Variants in RNASET2 observed in about 807,000 individuals in gnomAD.
RNASET2 encodes ribonuclease T2.
In RNASET2, 28 loss-of-function variants were observed where a neutral mutation model predicts 33.9. The observed-to-expected ratio is 0.83, with a 90% CI of 0.61 to 1.13. The LOEUF (loss-of-function observed/expected upper bound fraction) is 1.13, where lower values mean the gene tolerates loss of function less well. Among genes scored for constraint, RNASET2 ranks in the 50% most tolerant of loss-of-function variants. RNASET2 has a pLI of 0.00. For missense variants in RNASET2, 330 were observed against 319.9 expected, an observed-to-expected ratio of 1.03 and a Z score of -0.24; for synonymous variants, 123 against 121.0, an observed-to-expected ratio of 1.02 and a Z score of -0.11.
In RNASET2 at chr6:166,955,235, G is replaced by GCACA. The variant is rs1297682505; in HGVS notation, c.86+861_86+862insTGTG. ...CACGCACACACGCGCACACACGCAC[G>GCACA]CACGCACACACACGCACACACGCAC... is the stretch of plus-strand genomic sequence containing the variant. On this transcript the variant is annotated intron_variant, in intron 1 of 8. Transcript: ENST00000508775. Among the ~76,000 whole-genome samples the GCACA allele has an allele frequency of 2.0e-3, 188 of 95,410 alleles. 4 individuals carry two copies. The highest frequency in any genetic ancestry group is 8.7e-3 in the African/African-American group (176 of 20,124). 62.6% of individuals were successfully genotyped at this position (95,410 alleles called of 152,430 possible).
chr6:166,945,039 C>T, intron 4 of RNASET2: 1 of 142,646 alleles, frequency 7.0e-6, no homozygotes, highest in African/African-American at 2.8e-5. Context: ...CCTCACCCAC[C>T]CACGTCCACA....
chr6:166,955,308 GAC>G lies in RNASET2; in HGVS notation c.86+787_86+788del, dbSNP rs1186360338. 6.8e-4 allele frequency among the ~76,000 whole-genome samples: 25 copies of G among 36,986 alleles called. 1 individual carries two copies. The highest frequency in any genetic ancestry group is 3.2e-3 in the East Asian group (4 of 1,234). 24.3% of individuals were successfully genotyped at this position (36,986 alleles called of 152,430 possible). ...CACACACGCACAGACGCGCACACAC[GAC>G]ACACACGCACACACACGCACGCACG... On this transcript the variant is annotated intron_variant, in intron 1 of 8. Transcript: ENST00000508775.
intron 6 of RNASET2, chr6:166,934,758 GGCTGTATCA>G (rs1490113709): frequency 3.3e-5 from 5 of 153,070 alleles, no homozygotes; most frequent in African/African-American, 1.2e-4. Context: ...GTGTGTCGTG[GGCTGTATCA>G]GCTAAGTAAG....
intron 7 of RNASET2, chr6:166,931,406 G>A (rs1247007083): frequency 8.3e-6 from 4 of 481,212 alleles, no homozygotes; most frequent in Non-Finnish European, 1.1e-5. Flanking sequence ...GTCTTTCTGG[G>A]CCCCGAGCTG....
chr6:166,927,202 CAG>C lies in RNASET2; in HGVS notation c.*2384_*2385del, dbSNP rs1357238273. 6.6e-6 allele frequency among the ~76,000 whole-genome samples: 1 copy of C among 152,178 alleles called. No individual in the cohort carries two copies. The highest frequency in any genetic ancestry group is 2.4e-5 in the African/African-American group (1 of 41,434). ...GATCTCCATCACTGAACCTTAAACG[CAG>C]AGTCTTCCCCTTCTGTCTCCTGCGG... On this transcript the variant is annotated 3_prime_UTR_variant, in exon 9 of 9. Transcript: ENST00000508775.
In RNASET2 at chr6:166,952,557, A is replaced by T; in HGVS notation, c.87-9T>A. The T allele has an allele frequency of 1.2e-6, 2 of 1,607,538 alleles. No homozygotes were observed. Among genetic ancestry groups the T allele is most frequent in the Non-Finnish European group, 1.7e-6 (2 of 1,173,898 alleles). On this transcript the variant is annotated splice_polypyrimidine_tract_variant and intron_variant, in intron 1 of 8. Coordinates refer to ENST00000508775, the MANE Select transcript of RNASET2 (RefSeq NM_003730.6). ...TCCACTCATGGTTGTCACTGTTAAA[A>T]CATAAGAAACTTATTTTTCAAGAAC... is the stretch of plus-strand genomic sequence containing the variant.
chr6:166,944,852 TC>T, intron 4 of RNASET2, among the ~76,000 whole-genome samples: 1 of 151,868 alleles, frequency 6.6e-6, no homozygotes, highest in East Asian at 1.9e-4. Context: ...ACCAGCACTG[TC>T]CCCTCTGCCC....
chr6:166,940,840 C>T (rs1275352525), intron 5 of RNASET2, among the ~76,000 whole-genome samples: 2 of 152,074 alleles, frequency 1.3e-5, no homozygotes, highest in Non-Finnish European at 2.9e-5. Context: ...CCACCAAGAG[C>T]AGATGCAGCC....
chr6:166,946,498 G>T lies in RNASET2; in HGVS notation c.261+184C>A, dbSNP rs576569534. ...GCAGGGGAGGGGAGGAGAGGGAAAA[G>T]GTCAATTGGTGTAATTTGTGGGGTC... On this transcript the variant is annotated intron_variant, in intron 4 of 8. Coordinates refer to ENST00000508775, the MANE Select transcript of RNASET2 (RefSeq NM_003730.6). The T allele has an allele frequency of 8.1e-5, 50 of 618,470 alleles. 2 individuals are homozygous for T. The South Asian group carries it at 9.3e-4, about 11-fold the overall frequency. The allele number at this position is 618,470 out of a possible 1,614,324, so 38.3% of individuals were successfully genotyped here.
At chr6:166,943,333 T>C (rs1359419307) in intron 4 of RNASET2, 2 of 410,666 alleles carry the variant, frequency 4.9e-6, no homozygotes, top group Non-Finnish European at 9.2e-6. Context: ...AGGGATAAAG[T>C]GTACATCCAA....
At chr6:166,952,191 C>T (rs1030339926) in intron 2 of RNASET2, among the ~76,000 whole-genome samples, 10 of 152,224 alleles carry the variant, frequency 6.6e-5, no homozygotes, top group African/African-American at 2.4e-4. Context: ...CTCTCAGAGC[C>T]TTCCAGGAGG....
chr6:166,950,912 T>C (rs1276277079), intron 2 of RNASET2, among the ~76,000 whole-genome samples: 2 of 152,270 alleles, frequency 1.3e-5, no homozygotes, highest in African/African-American at 4.8e-5. Context: ...TGGGTTTTTC[T>C]CCTCGTGTGG....
rs1778319557 is a variant in RNASET2 at position 166,927,110 on chromosome 6, TC to T, written c.*2477del. Among the ~76,000 whole-genome samples the T allele has an allele frequency of 6.6e-6, 1 of 152,214 alleles. No homozygotes were observed. The highest frequency in any genetic ancestry group is 1.5e-5 in the Non-Finnish European group (1 of 68,040). ...GAACCGTGTGGTCAGAGTTGCATCT[TC>T]CTGAGTTGAATCTGGAAAATGCACG... On this transcript the variant is annotated 3_prime_UTR_variant, in exon 9 of 9. Coordinates refer to ENST00000508775, the MANE Select transcript of RNASET2 (RefSeq NM_003730.6).
Position 166,938,869 on chromosome 6 carries a change from T to C in RNASET2, c.446+26A>G, listed in dbSNP as rs1414370955. The C allele has an allele frequency of 2.0e-6, 3 of 1,525,352 alleles. No individual in the cohort carries two copies. In the East Asian group the frequency reaches 6.7e-5, roughly 34 times the overall value. The allele number at this position is 1,525,352 out of a possible 1,614,324, so 94.5% of individuals were successfully genotyped here. The stretch of plus-strand genomic sequence containing the variant: ...GACAGCAGAGATCCCCACTGGGAAG[T>C]GCAGCCGGGGGAAGGGCGCACCCAC... On this transcript the variant is annotated intron_variant, in intron 6 of 8. Transcript: ENST00000508775.
chr6:166,940,414 A>C (rs1373630499), intron 5 of RNASET2, among the ~76,000 whole-genome samples: 1 of 152,264 alleles, frequency 6.6e-6, no homozygotes, highest in Non-Finnish European at 1.5e-5. Flanking sequence ...AAAGTGGATG[A>C]GTAACTGTCT....
intron 2 of RNASET2, among the ~76,000 whole-genome samples, chr6:166,949,787 G>A (rs778253515): frequency 6.6e-6 from 1 of 152,182 alleles, no homozygotes; most frequent in Non-Finnish European, 1.5e-5. Context: ...GGCTCTGAGG[G>A]CTCTGCACAG....
intron 2 of RNASET2, among the ~76,000 whole-genome samples, chr6:166,951,572 C>T (rs961956197): frequency 1.7e-4 from 26 of 152,358 alleles, no homozygotes; most frequent in African/African-American, 6.0e-4. Flanking sequence ...CCTGTCCGGG[C>T]GTGACAGAGG....
At chr6:166,950,744 G>C (rs1778964562) in intron 2 of RNASET2, among the ~76,000 whole-genome samples, 2 of 152,252 alleles carry the variant, frequency 1.3e-5, no homozygotes, top group African/African-American at 4.8e-5. Flanking sequence ...GCAAAACGCA[G>C]CCAGATGATG....
chr6:166,931,036 T>G lies in RNASET2; in HGVS notation c.567+8A>C. On this transcript the variant is annotated splice_region_variant and intron_variant, in intron 8 of 8. Coordinates refer to ENST00000508775, the MANE Select transcript of RNASET2 (RefSeq NM_003730.6). ...GAAAAAAAGGAAGACAAAACATAAC[T>G]GTCTAACCTGGCTTGGTGGAAGGCA... 6.3e-7 allele frequency: 1 copy of G among 1,598,936 alleles called. No individual in the cohort carries two copies.
Sources: allele counts gnomAD v4.1 joint callset (sites outside exome capture counted in the v4.1 genomes callset), GRCh38; gene constraint gnomAD v4.1.1; transcripts MANE v1.5; gene names NCBI Gene and HGNC (gene_info 2026-07-23, HGNC 2026-07-21).